Variants in RIMKLB observed in about 807,000 individuals in gnomAD.
RIMKLB encodes ribosomal modification protein rimK like family member B.
A neutral mutation model predicts 32.0 loss-of-function variants in RIMKLB; 7 were observed. The ratio of observed to expected loss-of-function variants is 0.22; its 90% CI spans 0.12 to 0.41. The LOEUF (loss-of-function observed/expected upper bound fraction) is 0.41. Among genes scored for constraint, RIMKLB ranks in the 10% least tolerant of loss-of-function variants. RIMKLB has a pLI of 1.00. For missense variants in RIMKLB, 289 were observed against 498.7 expected (o/e 0.58, Z 4.00); for synonymous variants, 172 against 185.1 (o/e 0.93, Z 0.57).
chr12:8,692,138 C>T lies in RIMKLB; in HGVS notation n.219+10320C>T, dbSNP rs1321360546. On this transcript the variant is annotated intron_variant and non_coding_transcript_variant, in intron 1 of 1. Coordinates refer to the RIMKLB transcript ENST00000538758. ...CAGGTTGTTATACTTCTAAGATCCT[C>T]CCAAAGACAGGGAAATCAGGACTAG... Among the ~76,000 whole-genome samples, 3 of 152,082 alleles carry T rather than the reference C, an allele frequency of 2.0e-5. No homozygotes were observed. In the East Asian group the frequency reaches 5.8e-4, roughly 29 times the overall value.
chr12:8,684,764 G>A lies in RIMKLB; in HGVS notation n.219+2946G>A, dbSNP rs115694861. Among the ~76,000 whole-genome samples, 357 of 152,252 alleles carry A rather than the reference G, an allele frequency of 2.3e-3. 4 individuals are homozygous for A. The highest frequency in any genetic ancestry group is 8.2e-3 in the African/African-American group (342 of 41,536). On this transcript the variant is annotated intron_variant and non_coding_transcript_variant, in intron 1 of 1. Coordinates refer to the RIMKLB transcript ENST00000538758. Reference sequence around the variant, plus strand: ...GTCTCCTAAGTAGCTGGGACTACACGTGCATGCCACCACGCCCAGCTAGTT... The same window carrying A: ...GTCTCCTAAGTAGCTGGGACTACACATGCATGCCACCACGCCCAGCTAGTT...
intron 3 of RIMKLB, among the ~76,000 whole-genome samples, chr12:8,751,516 T>G (rs1398198005): frequency 6.6e-6 from 1 of 152,188 alleles, no homozygotes; most frequent in Non-Finnish European, 1.5e-5. Context: ...GTGTGTGTGT[T>G]TGTTGATAAT....
At chr12:8,728,230 G>A (rs1300231688) in intron 2 of RIMKLB, among the ~76,000 whole-genome samples, 1 of 152,136 alleles carries the variant, frequency 6.6e-6, no homozygotes, top group Non-Finnish European at 1.5e-5. Context: ...TCTGTCTCTG[G>A]TTAGTTTAGT....
At chr12:8,704,840 C>T (rs1943708467) in intron 1 of RIMKLB, among the ~76,000 whole-genome samples, 2 of 127,108 alleles carry the variant, frequency 1.6e-5, no homozygotes, top group Non-Finnish European at 3.3e-5. Context: ...AAAAAATTAG[C>T]TGGGTGTGGT....
chr12:8,687,820 G>GAA (rs752174507), intron 1 of RIMKLB, among the ~76,000 whole-genome samples: 63 of 72,892 alleles, frequency 8.6e-4, no homozygotes, highest in Admixed American at 1.6e-3. Context: ...AAGTCAGGAA[G>GAA]AAAAAAAAAA....
upstream of RIMKLB, among the ~76,000 whole-genome samples, chr12:8,696,012 G>A (rs1942878514): frequency 6.6e-6 from 1 of 152,118 alleles, no homozygotes; most frequent in South Asian, 2.1e-4. Flanking sequence ...AACTTTTAAG[G>A]GCAAGTGGCA....
intron 5 of RIMKLB, among the ~76,000 whole-genome samples, chr12:8,757,364 T>TA: frequency 6.7e-6 from 1 of 148,464 alleles, no homozygotes; most frequent in Admixed American, 6.9e-5. Flanking sequence ...CCCATCTCTA[T>TA]AAAAAATTAA....
At chr12:8,751,919 C>T (rs1156366713) in intron 3 of RIMKLB, 38 bp from the exon 4 acceptor site, 3 of 1,258,064 alleles carry the variant, frequency 2.4e-6, no homozygotes, top group Admixed American at 3.4e-5. Flanking sequence ...AATACTTCTG[C>T]TGCTGTTTGT....
chr12:8,754,024 G>C lies in RIMKLB; in HGVS notation c.628G>C (p.Gly210Arg). ...HGRDVRVIVV[G>R]GRVVGTMLRC... ...ACGGGATGTACGTGTCATTGTCGTG[G>C]GAGGCCGTGTGGTTGGCACCATGTT... Residue 210 changes from glycine to arginine, a missense_variant, in exon 5 of 6, where the codon GGA becomes CGA. Gly to Arg is a moderately radical substitution (Grantham distance 125). Around this residue, in one of 3 missense-constraint regions of RIMKLB, gnomAD observed 156 missense variants for 329.5 expected, o/e 0.47. Coordinates refer to ENST00000535829, the MANE Select transcript of RIMKLB (RefSeq NM_001297776.2). 1 of 1,614,038 alleles carries C rather than the reference G, an allele frequency of 6.2e-7. No individual in the cohort carries two copies. The highest frequency in any genetic ancestry group is 1.3e-5 in the African/African-American group (1 of 75,038).
At position 8,721,639 on chromosome 12, in the gene RIMKLB, A is replaced by T. The variant is rs143427480; in HGVS notation, c.175+7598A>T. On this transcript the variant is annotated intron_variant, in intron 2 of 5. Transcript: ENST00000535829. ...CATTTGCTGTTATTTCCTTCACTGA[A>T]GTCTTGAAGCCCTCATAGTCATCCA... is the stretch of plus-strand genomic sequence containing the variant. Among the ~76,000 whole-genome samples, 232 of 152,278 alleles carry T rather than the reference A, an allele frequency of 1.5e-3. 2 individuals carry two copies. Among genetic ancestry groups the T allele is most frequent in the African/African-American group, 5.4e-3 (225 of 41,542 alleles).
chr12:8,751,894 T>A (rs1364517734), intron 3 of RIMKLB, 63 bp from the exon 4 acceptor site: 34 of 1,097,478 alleles, frequency 3.1e-5, no homozygotes, highest in Non-Finnish European at 4.6e-5. Context: ...TTAGCGTTGA[T>A]AAAATTGATC....
upstream of RIMKLB, among the ~76,000 whole-genome samples, chr12:8,692,521 G>GA (rs112734123): frequency 0.23 from 34,694 of 151,254 alleles, 4,192 homozygotes; most frequent in Non-Finnish European, 0.26. Context: ...TGTGGTAGAG[G>GA]AAAAAAAAAT....
chr12:8,768,053 G>A (rs2052262016), intron 5 of RIMKLB, among the ~76,000 whole-genome samples: 1 of 152,192 alleles, frequency 6.6e-6, no homozygotes, highest in African/African-American at 2.4e-5. Context: ...TCTGACCTGG[G>A]GTTCTTGGCC....
intron 2 of RIMKLB, among the ~76,000 whole-genome samples, chr12:8,741,509 G>A (rs893366982): frequency 1.2e-4 from 18 of 151,782 alleles, no homozygotes; most frequent in South Asian, 2.1e-4. Context: ...GGCTGGGTGC[G>A]GTGGCTCATG....
At chr12:8,710,536 G>A (rs1170676069) in intron 1 of RIMKLB, among the ~76,000 whole-genome samples, 2 of 151,996 alleles carry the variant, frequency 1.3e-5, no homozygotes, top group South Asian at 4.1e-4. Context: ...TCAAACTCCT[G>A]ACCAAGTGAT....
At chr12:8,705,504 C>T (rs778128440) in intron 1 of RIMKLB, among the ~76,000 whole-genome samples, 11 of 149,656 alleles carry the variant, frequency 7.4e-5, no homozygotes, top group African/African-American at 2.2e-4. Flanking sequence ...AGTAAAATGC[C>T]GGTGATATTA....
At chr12:8,740,934 C>T (rs6487351) in intron 2 of RIMKLB, among the ~76,000 whole-genome samples, 3,182 of 151,806 alleles carry the variant, frequency 0.021, 110 homozygotes, top group African/African-American at 0.072. Flanking sequence ...ATTAGCCAGG[C>T]GGGGTGGCTC....
At chr12:8,703,398 G>C (rs1943574975) in intron 1 of RIMKLB, among the ~76,000 whole-genome samples, 1 of 152,198 alleles carries the variant, frequency 6.6e-6, no homozygotes, top group African/African-American at 2.4e-5. Flanking sequence ...TGTGATCATA[G>C]CTCACTGTAG....
Position 8,775,510 on chromosome 12 carries a change from C to CT in RIMKLB, c.*1729dup, listed in dbSNP as rs1414852201. ...ATCCTCTGAAGCTTTTACCCAAGCC[C>CT]TTTCTTGCCTCTCCAGTGCTATTTT... On this transcript the variant is annotated 3_prime_UTR_variant, in exon 6 of 6. Coordinates refer to ENST00000535829, the MANE Select transcript of RIMKLB (RefSeq NM_001297776.2). The CT allele has an allele frequency of 1.0e-6, 1 of 985,624 alleles. No individual in the cohort carries two copies. Among genetic ancestry groups the CT allele is most frequent in the Non-Finnish European group, 1.2e-6 (1 of 829,908 alleles). 61.1% of individuals were successfully genotyped at this position (985,624 alleles called of 1,614,324 possible). A position where few individuals can be genotyped will look rare whatever the true frequency, so the allele number is the denominator to read the frequency against.
Sources: allele counts gnomAD v4.1 joint callset (sites outside exome capture counted in the v4.1 genomes callset), GRCh38; gene constraint gnomAD v4.1.1; regional missense constraint gnomAD v4.1.1; transcripts MANE v1.5; gene names NCBI Gene and HGNC (gene_info 2026-07-23, HGNC 2026-07-21).